The following TTC13 variants were observed in gnomAD, a reference collection of about 807,000 sequenced individuals.
TTC13 encodes the protein tetratricopeptide repeat domain 13, also known as tetratricopeptide repeat protein 13.
TTC13 carries 62 observed loss-of-function variants against 120.0 expected under a neutral mutation model. The observed-to-expected ratio is 0.52, with a 90% CI of 0.42 to 0.64. The LOEUF (loss-of-function observed/expected upper bound fraction) is 0.64. Ranked by LOEUF, TTC13 falls within the 30% of genes least tolerant of loss-of-function variation. The pLI is 0.00. For synonymous variants in TTC13, 384 were observed against 393.5 expected (o/e 0.98, Z 0.28); for missense variants, 824 against 1,050.2 (o/e 0.78, Z 2.98).
chr1:230,946,981 A>C (rs1315659092), intron 4 of TTC13, among the ~76,000 whole-genome samples: 1 of 152,142 alleles, frequency 6.6e-6, no homozygotes, highest in African/African-American at 2.4e-5. Context: ...ATAAACTCCA[A>C]AATGCTACCA....
At chr1:230,945,064 T>A (rs1191872221) in intron 5 of TTC13, among the ~76,000 whole-genome samples, 1 of 152,194 alleles carries the variant, frequency 6.6e-6, no homozygotes, top group African/African-American at 2.4e-5. Flanking sequence ...CAACCTTTAA[T>A]AATTGTGAAA....
At chr1:230,958,437 G>A (rs190925542) in intron 2 of TTC13, 138 bp from the exon 3 acceptor site, 20 of 996,576 alleles carry the variant, frequency 2.0e-5, no homozygotes, top group Middle Eastern at 6.2e-4. Flanking sequence ...CCACTATTGT[G>A]GGAATGTTTT....
At chr1:230,916,397 TA>T in intron 17 of TTC13, 95 bp from the exon 18 acceptor site, 1 of 941,914 alleles carries the variant, frequency 1.1e-6, no homozygotes, top group Non-Finnish European at 1.7e-6. Context: ...TACATGTTTT[TA>T]AAAAGGGCCA....
chr1:230,945,331 C>T, intron 5 of TTC13, 58 bp downstream of exon 5: 3 of 1,474,872 alleles, frequency 2.0e-6, no homozygotes, highest in Non-Finnish European at 1.9e-6. Context: ...TCTAGCAAAA[C>T]CCTGGTCTGT....
chr1:230,952,783 A>G (rs186407206), intron 4 of TTC13, among the ~76,000 whole-genome samples: 1 of 152,218 alleles, frequency 6.6e-6, no homozygotes, highest in African/African-American at 2.4e-5. Context: ...AAAACAGTAC[A>G]TATATTCAGA....
intron 18 of TTC13, among the ~76,000 whole-genome samples, chr1:230,915,757 C>T (rs976294615): frequency 6.6e-6 from 1 of 151,742 alleles, no homozygotes; most frequent in Non-Finnish European, 1.5e-5. Flanking sequence ...TTATACTACT[C>T]ATTAATTATT....
At chr1:230,938,670 C>T (rs1674292840) in intron 8 of TTC13, among the ~76,000 whole-genome samples, 1 of 152,194 alleles carries the variant, frequency 6.6e-6, no homozygotes, top group African/African-American at 2.4e-5. Context: ...CTAGACCCAA[C>T]CAATGTCACC....
intron 17 of TTC13, chr1:230,920,300 T>C (rs1247708951): frequency 2.7e-6 from 1 of 369,994 alleles, no homozygotes; most frequent in Non-Finnish European, 4.8e-6. Context: ...TTTTTAAGTT[T>C]TCTTTTTTCT....
chr1:230,945,336 G>A lies in TTC13; in HGVS notation c.579+53C>T. On this transcript the variant is annotated intron_variant, in intron 5 of 22. Coordinates refer to ENST00000366661, the MANE Select transcript of TTC13 (RefSeq NM_024525.5). ...CAGTAGCAGTTCTAGCAAAACCCTGGTCTGTGTCAGGTCATGTAGGCGCTA... is the reference window on the plus strand; with the variant it reads ...CAGTAGCAGTTCTAGCAAAACCCTGATCTGTGTCAGGTCATGTAGGCGCTA... 6 of 1,502,394 alleles carry A rather than the reference G, an allele frequency of 4.0e-6. No individual in the cohort carries two copies. The African/African-American group carries it at 4.1e-5, about 10-fold the overall frequency. The allele number at this position is 1,502,394 out of a possible 1,614,324, so 93.1% of individuals were successfully genotyped here. A position where few individuals can be genotyped will look rare whatever the true frequency, so the allele number is the denominator to read the frequency against.
At chr1:230,923,795 G>A (rs757069778) in intron 15 of TTC13, 46 bp downstream of exon 15, 1 of 1,537,158 alleles carries the variant, frequency 6.5e-7, no homozygotes. Flanking sequence ...TGTGTCTTGA[G>A]AATAAACTCC....
intron 1 of TTC13, among the ~76,000 whole-genome samples, chr1:230,968,454 C>A (rs1050292926): frequency 1.3e-5 from 2 of 152,096 alleles, no homozygotes; most frequent in African/African-American, 4.8e-5. Context: ...AGCTCAAGTT[C>A]AGCATCTAGT....
At chr1:230,918,228 TGAGTAAG>T (rs1327508938) in intron 17 of TTC13, among the ~76,000 whole-genome samples, 10 of 152,372 alleles carry the variant, frequency 6.6e-5, no homozygotes, top group African/African-American at 2.4e-4. Context: ...GCATACACAT[TGAGTAAG>T]GAGTCTACTA....
At chr1:230,953,679 A>T (rs1322048337) in intron 4 of TTC13, among the ~76,000 whole-genome samples, 1 of 152,170 alleles carries the variant, frequency 6.6e-6, no homozygotes, top group African/African-American at 2.4e-5. Context: ...ACAATCAATA[A>T]ATGGTTAGGC....
intron 11 of TTC13, 89 bp from the exon 12 acceptor site, chr1:230,929,182 G>T: frequency 2.3e-6 from 3 of 1,327,620 alleles, no homozygotes; most frequent in Non-Finnish European, 2.1e-6. Flanking sequence ...TTTGTAACAA[G>T]CTGTTCTTCA....
intron 18 of TTC13, among the ~76,000 whole-genome samples, chr1:230,915,384 A>C (rs1446841766): frequency 6.6e-6 from 1 of 151,978 alleles, no homozygotes; most frequent in Non-Finnish European, 1.5e-5. Flanking sequence ...GCACAGCTCA[A>C]GGCAATTCCA....
intron 17 of TTC13, among the ~76,000 whole-genome samples, chr1:230,918,299 G>A (rs749156570): frequency 6.6e-6 from 1 of 152,070 alleles, no homozygotes; most frequent in Non-Finnish European, 1.5e-5. Flanking sequence ...AAACCACATC[G>A]CCAATGACAA....
chr1:230,906,905 C>G lies in TTC13; in HGVS notation c.2583G>C (p.Ter861TyrextTer42), dbSNP rs1670984765. ...DSSPRCLKKL[*>Y] ...TACTTGTATAAATACAGCAGCAGAA[C>G]TAGAGTTTCTTAAGACAACGTGGAG... Residue 861 changes from the stop codon to tyrosine, a stop_lost, in exon 23 of 23, where the codon TAG becomes TAC. Coordinates refer to ENST00000366661, the MANE Select transcript of TTC13 (RefSeq NM_024525.5). The G allele has an allele frequency of 6.8e-7, 1 of 1,467,968 alleles. No individual in the cohort carries two copies. Among genetic ancestry groups the G allele is most frequent in the Non-Finnish European group, 9.1e-7 (1 of 1,103,374 alleles). 90.9% of individuals were successfully genotyped at this position (1,467,968 alleles called of 1,614,324 possible). A position where few individuals can be genotyped will look rare whatever the true frequency, so the allele number is the denominator to read the frequency against.
At chr1:230,919,155 A>C (rs925335175) in intron 17 of TTC13, among the ~76,000 whole-genome samples, 1 of 152,080 alleles carries the variant, frequency 6.6e-6, no homozygotes, top group Admixed American at 6.5e-5. Flanking sequence ...TACCTGGATC[A>C]TACTATCATA....
At chr1:230,908,883 A>G in intron 21 of TTC13, 59 bp downstream of exon 21, 1 of 1,609,406 alleles carries the variant, frequency 6.2e-7, no homozygotes, top group Non-Finnish European at 8.5e-7. Flanking sequence ...TAAAATAAAA[A>G]TCCATAAATT....
Sources: gnomAD v4.1 joint callset for allele counts (sites outside exome capture counted in the v4.1 genomes callset) on GRCh38, gnomAD v4.1.1 for gene constraint, MANE v1.5 for transcripts, NCBI Gene and HGNC (gene_info 2026-07-23, HGNC 2026-07-21) for gene names.